Variants in COL27A1 observed in about 807,000 individuals in gnomAD.
COL27A1 encodes the protein collagen alpha-1(XXVII) chain.
In COL27A1, 106 loss-of-function variants were observed where a neutral mutation model predicts 251.3. The ratio of observed to expected loss-of-function variants is 0.42; its 90% CI spans 0.36 to 0.50. The LOEUF is 0.50. Among genes scored for constraint, COL27A1 ranks in the 20% least tolerant of loss-of-function variants. The probability of loss-of-function intolerance (pLI) is 0.00; values close to 1 mark genes in which losing one functional copy is unlikely to be tolerated. For missense variants in COL27A1, 2,325 were observed against 2,522.8 expected (o/e 0.92, Z 1.68); for synonymous variants, 1,000 against 986.3 (o/e 1.01, Z -0.26).
intron 16 of COL27A1, among the ~76,000 whole-genome samples, chr9:114,234,212 TAA>T (rs11415885): frequency 0.67 from 59,445 of 88,904 alleles, 19,713 homozygotes; most frequent in South Asian, 0.82. Context: ...TCTTGGACAT[TAA>T]AAAAAAAAAA....
intron 24 of COL27A1, among the ~76,000 whole-genome samples, chr9:114,249,601 A>G (rs1833385704): frequency 6.6e-6 from 1 of 152,220 alleles, no homozygotes; most frequent in Admixed American, 6.5e-5. Context: ...TTTAGATAAG[A>G]AAGTGTGGAT....
chr9:114,205,445 C>G (rs868061537), intron 8 of COL27A1, among the ~76,000 whole-genome samples: 1 of 152,220 alleles, frequency 6.6e-6, no homozygotes, highest in African/African-American at 2.4e-5. Context: ...TTATACTCAC[C>G]GCCACGGGGT....
chr9:114,273,766 C>G (rs950831451), intron 36 of COL27A1: 2 of 152,364 alleles, frequency 1.3e-5, no homozygotes, highest in Admixed American at 6.5e-5. Context: ...CAGCCATGCC[C>G]GTGCTGCACT....
At chr9:114,273,491 C>T (rs1242029465) in intron 36 of COL27A1, 2 of 152,384 alleles carry the variant, frequency 1.3e-5, no homozygotes, top group African/African-American at 4.8e-5. Flanking sequence ...ACCTCCTGCC[C>T]CAGAGCTCAG....
intron 27 of COL27A1, among the ~76,000 whole-genome samples, chr9:114,255,090 C>G (rs1224620969): frequency 1.3e-5 from 2 of 152,188 alleles, no homozygotes; most frequent in Non-Finnish European, 2.9e-5. Context: ...CAGTTGGAAG[C>G]AGAAGCCAGC....
chr9:114,163,973 CT>C (rs1385581091), intron 2 of COL27A1, among the ~76,000 whole-genome samples: 1 of 152,150 alleles, frequency 6.6e-6, no homozygotes, highest in Non-Finnish European at 1.5e-5. Flanking sequence ...ATTCATTCCC[CT>C]GTCCCCCATC....
intron 12 of COL27A1, among the ~76,000 whole-genome samples, chr9:114,217,376 G>A (rs754323201): frequency 3.1e-4 from 47 of 152,280 alleles, no homozygotes; most frequent in Non-Finnish European, 4.3e-4. Context: ...AGAGAACTGA[G>A]GCCCCAAGAG....
At chr9:114,304,444 G>A in intron 56 of COL27A1, 164 bp from the exon 57 acceptor site, 1 of 643,158 alleles carries the variant, frequency 1.6e-6, no homozygotes, top group South Asian at 1.8e-5. Flanking sequence ...GGAATGGCAG[G>A]GTCAGCTTTG....
At chr9:114,230,848 G>A (rs984774255) in intron 14 of COL27A1, among the ~76,000 whole-genome samples, 4 of 152,230 alleles carry the variant, frequency 2.6e-5, no homozygotes, top group Non-Finnish European at 5.9e-5. Flanking sequence ...AATGGGGATA[G>A]GGAAGGGGCA....
intron 41 of COL27A1, among the ~76,000 whole-genome samples, chr9:114,286,766 A>T (rs926148725): frequency 1.3e-5 from 2 of 152,104 alleles, no homozygotes; most frequent in African/African-American, 4.8e-5. Flanking sequence ...AAAAAAATGC[A>T]TCCCCAGACT....
intron 32 of COL27A1, 50 bp from the exon 33 acceptor site, chr9:114,266,515 G>A (rs773542361): frequency 1.9e-6 from 3 of 1,543,304 alleles, no homozygotes; most frequent in East Asian, 4.5e-5. Flanking sequence ...ATCCCAAAGA[G>A]GGCCCAGGCT....
intron 27 of COL27A1, among the ~76,000 whole-genome samples, chr9:114,257,352 C>T (rs929709941): frequency 4.0e-5 from 6 of 149,650 alleles, no homozygotes; most frequent in Non-Finnish European, 8.9e-5. Context: ...TCAAGCTGGG[C>T]CTGGAATCGG....
chr9:114,290,298 G>C lies in COL27A1; in HGVS notation c.4335G>C (p.Gly1445=), dbSNP rs772289658. Residue 1445 remains glycine, a synonymous_variant, in exon 47 of 61, where the codon GGG becomes GGC. Transcript: ENST00000356083. This position sits in a 1 kb window ranked among gnomAD's most constrained non-coding sequence, Gnocchi z 4.6. ...QGLEGIAGPD[G]LPGRDGQAGQ... is the part of the protein sequence containing the mutation. The stretch of plus-strand genomic sequence containing the variant: ...TCGAGGGCATCGCTGGACCAGATGG[G>C]CTTCCTGGCAGGGACGGGCAAGCAG... 1.9e-6 allele frequency: 3 copies of C among 1,583,636 alleles called. No homozygotes were observed. Among genetic ancestry groups the C allele is most frequent in the Non-Finnish European group, 2.6e-6 (3 of 1,165,108 alleles).
chr9:114,189,080 C>G (rs1368118088), intron 5 of COL27A1, among the ~76,000 whole-genome samples: 1 of 152,164 alleles, frequency 6.6e-6, no homozygotes, highest in Non-Finnish European at 1.5e-5. Flanking sequence ...CAGGAGGGCT[C>G]TATTCATCTA....
chr9:114,289,092 T>C, intron 44 of COL27A1, 125 bp downstream of exon 44: 1 of 1,390,130 alleles, frequency 7.2e-7, no homozygotes, highest in Non-Finnish European at 9.9e-7. Flanking sequence ...GGGGCAGCCA[T>C]TTCTGTTTCT....
intron 27 of COL27A1, among the ~76,000 whole-genome samples, chr9:114,256,710 T>C (rs976193990): frequency 6.6e-6 from 1 of 152,220 alleles, no homozygotes; most frequent in Non-Finnish European, 1.5e-5. Context: ...AGGACTCTTC[T>C]ATCCCCATGT....
intron 28 of COL27A1, 30 bp downstream of exon 28, chr9:114,258,624 T>C: frequency 6.2e-7 from 1 of 1,610,618 alleles, no homozygotes; most frequent in African/African-American, 1.3e-5. Flanking sequence ...TGGGGGCTGA[T>C]GCTGGTGGGA....
At chr9:114,269,038 G>T in intron 34 of COL27A1, 1 of 525,484 alleles carries the variant, frequency 1.9e-6, no homozygotes, top group Admixed American at 3.5e-5. Flanking sequence ...CCTGGCGTGG[G>T]AGAAGAAGTC....
At chr9:114,285,833 C>A (rs753210431) in intron 41 of COL27A1, among the ~76,000 whole-genome samples, 2 of 152,238 alleles carry the variant, frequency 1.3e-5, no homozygotes, top group Non-Finnish European at 2.9e-5. Flanking sequence ...AAGGCCTCTG[C>A]GCCGGAGCAT....
Sources: allele counts gnomAD v4.1 joint callset (sites outside exome capture counted in the v4.1 genomes callset), GRCh38; gene constraint gnomAD v4.1.1; non-coding constraint Gnocchi (gnomAD v3.1); transcripts MANE v1.5; gene names NCBI Gene and HGNC (gene_info 2026-07-23, HGNC 2026-07-21).